UBE2E2: variants seen among roughly 807,000 people sequenced by gnomAD.
UBE2E2 encodes ubiquitin conjugating enzyme E2 E2.
UBE2E2 carries 6 observed loss-of-function variants against 24.7 expected under a neutral mutation model. That is an observed-to-expected ratio of 0.24 (90% CI 0.13 to 0.48). UBE2E2 has a LOEUF of 0.48. Among genes scored for constraint, UBE2E2 ranks in the 20% least tolerant of loss-of-function variants. The pLI is 0.99. For missense variants in UBE2E2, 169 were observed against 245.0 expected, an observed-to-expected ratio of 0.69 and a Z score of 2.07; for synonymous variants, 104 against 83.6, an observed-to-expected ratio of 1.24 and a Z score of -1.33.
intron 5 of UBE2E2, among the ~76,000 whole-genome samples, chr3:23,582,901 T>TG: frequency 7.9e-6 from 1 of 127,188 alleles, no homozygotes; most frequent in Non-Finnish European, 1.6e-5. Context: ...GTGTTGTGTG[T>TG]TTGTTTGCTG....
chr3:23,239,856 T>C (rs1697212220), intron 3 of UBE2E2, among the ~76,000 whole-genome samples: 1 of 152,200 alleles, frequency 6.6e-6, no homozygotes, highest in African/African-American at 2.4e-5. Context: ...ATGTACAGAA[T>C]TACAGAATGA....
rs139370805 is a variant in UBE2E2, at chr3:23,341,936, A to G, written c.227+124624A>G. ...AAAAGACTTCAAAGATTAAGTAATT[A>G]TGTATACATAGTTCCATATAACAAA... On this transcript the variant is annotated intron_variant, in intron 3 of 5. Transcript: ENST00000396703. 7.0e-3 allele frequency among the ~76,000 whole-genome samples: 1,062 copies of G among 152,356 alleles called. 12 individuals carry two copies. Among genetic ancestry groups the G allele is most frequent in the African/African-American group, 0.025 (1,021 of 41,588 alleles).
At chr3:23,414,242 G>A (rs895649776) in intron 3 of UBE2E2, among the ~76,000 whole-genome samples, 1 of 152,154 alleles carries the variant, frequency 6.6e-6, no homozygotes, top group African/African-American at 2.4e-5. Flanking sequence ...ATTTTTTCCA[G>A]TTGTCAAGAG....
chr3:23,412,050 A>G (rs890458551), intron 3 of UBE2E2, among the ~76,000 whole-genome samples: 2 of 152,160 alleles, frequency 1.3e-5, no homozygotes, highest in African/African-American at 4.8e-5. Flanking sequence ...TTCTTGTGCA[A>G]GCAACACTTA....
intron 5 of UBE2E2, among the ~76,000 whole-genome samples, chr3:23,569,202 T>G (rs779836190): frequency 5.3e-5 from 8 of 152,178 alleles, no homozygotes; most frequent in Non-Finnish European, 7.4e-5. Context: ...GAGAACATGC[T>G]TTGTAAAAGA....
intron 4 of UBE2E2, among the ~76,000 whole-genome samples, chr3:23,516,246 A>G (rs1231561728): frequency 6.6e-6 from 1 of 152,232 alleles, no homozygotes; most frequent in East Asian, 1.9e-4. Context: ...GAAAGAATAT[A>G]TATCAGAGCA....
intron 3 of UBE2E2, among the ~76,000 whole-genome samples, chr3:23,460,211 A>C (rs1698777745): frequency 6.6e-6 from 1 of 152,218 alleles, no homozygotes; most frequent in African/African-American, 2.4e-5. Flanking sequence ...TGGAGTTAGT[A>C]TGAACACCAG....
chr3:23,381,940 G>A (rs1264447923), intron 3 of UBE2E2, among the ~76,000 whole-genome samples: 1 of 152,132 alleles, frequency 6.6e-6, no homozygotes, highest in Non-Finnish European at 1.5e-5. Context: ...TTACTGTGGG[G>A]TCTCACAAAA....
In UBE2E2 at chr3:23,272,347, G is replaced by A. The variant is rs769846062; in HGVS notation, c.227+55035G>A. ...CCACCCAGAACTTTCACTGGCCCAA[G>A]AGCAACGCACGCAGCCCGGGTTCCC... On this transcript the variant is annotated intron_variant, in intron 3 of 5. Transcript: ENST00000396703. Among the ~76,000 whole-genome samples, 20 of 151,976 alleles carry A rather than the reference G, an allele frequency of 1.3e-4. 2 individuals carry two copies. Among genetic ancestry groups the A allele is most frequent in the African/African-American group, 4.6e-4 (19 of 41,506 alleles).
chr3:23,525,397 T>C (rs1292364949), intron 4 of UBE2E2, among the ~76,000 whole-genome samples: 1 of 152,220 alleles, frequency 6.6e-6, no homozygotes, highest in African/African-American at 2.4e-5. Context: ...CACACATAAA[T>C]TAAAACCTTT....
chr3:23,391,658 C>T (rs1696937642), intron 3 of UBE2E2, among the ~76,000 whole-genome samples: 2 of 152,066 alleles, frequency 1.3e-5, no homozygotes, highest in Non-Finnish European at 2.9e-5. Flanking sequence ...AGCTTATATA[C>T]TGAGAGATAC....
chr3:23,464,990 AAAG>A (rs1258301424), intron 3 of UBE2E2, among the ~76,000 whole-genome samples: 5 of 152,254 alleles, frequency 3.3e-5, no homozygotes, highest in African/African-American at 1.2e-4. Context: ...TTTGAAAAGC[AAAG>A]AAGTAACCTG....
At chr3:23,581,962 T>C in intron 5 of UBE2E2, among the ~76,000 whole-genome samples, 1 of 152,150 alleles carries the variant, frequency 6.6e-6, no homozygotes, top group Admixed American at 6.5e-5. Flanking sequence ...ATTTATTATA[T>C]AGGTCAATTG....
At chr3:23,289,457 C>G (rs1698703078) in intron 3 of UBE2E2, among the ~76,000 whole-genome samples, 2 of 152,172 alleles carry the variant, frequency 1.3e-5, no homozygotes, top group South Asian at 4.1e-4. Context: ...AAAGAGAAAA[C>G]TTTTCTAAGC....
In UBE2E2 at chr3:23,280,459, C is replaced by T. The variant is rs1698468068; in HGVS notation, c.227+63147C>T. On this transcript the variant is annotated intron_variant, in intron 3 of 5. Coordinates refer to ENST00000396703, the MANE Select transcript of UBE2E2 (RefSeq NM_152653.4). This position sits in a 1 kb window ranked among gnomAD's most constrained non-coding sequence, Gnocchi z 4.3. ...AAGTTTTGAGGGATTGTGAATGGTG[C>T]TAGAGGTGGCCACACAATCTTTTTG... 6.6e-6 allele frequency among the ~76,000 whole-genome samples: 1 copy of T among 152,180 alleles called. No homozygotes were observed. The highest frequency in any genetic ancestry group is 1.5e-5 in the Non-Finnish European group (1 of 68,030).
At chr3:23,473,219 T>C (rs531798665) in intron 3 of UBE2E2, among the ~76,000 whole-genome samples, 6 of 152,130 alleles carry the variant, frequency 3.9e-5, no homozygotes, top group Non-Finnish European at 7.4e-5. Flanking sequence ...TTTTGTCATG[T>C]TTAAATGGGA....
Position 23,590,005 on chromosome 3 carries a change from T to TACGGCGA in UBE2E2, c.*174_*175insACGGCGA. On this transcript the variant is annotated 3_prime_UTR_variant, in exon 6 of 6. Coordinates refer to ENST00000396703, the MANE Select transcript of UBE2E2 (RefSeq NM_152653.4). ...CCATCCCAGTTCTTCCTGCCCCCCT[T>TACGGCGA]CCTCTCTCCCACGCTCTCTTTTATC... 1 of 556,324 alleles carries TACGGCGA rather than the reference T, an allele frequency of 1.8e-6. No homozygotes were observed. The highest frequency in any genetic ancestry group is 2.9e-5 in the South Asian group (1 of 34,652). The allele number at this position is 556,324 out of a possible 1,614,324, so 34.5% of individuals were successfully genotyped here. A position where few individuals can be genotyped will look rare whatever the true frequency, so the allele number is the denominator to read the frequency against.
At chr3:23,523,838 A>G (rs200235734) in intron 4 of UBE2E2, among the ~76,000 whole-genome samples, 4 of 130,894 alleles carry the variant, frequency 3.1e-5, no homozygotes, top group African/African-American at 9.1e-5. Context: ...TTTTTTTTTT[A>G]TGTATACTAA....
In UBE2E2 at chr3:23,344,593, G is replaced by T. The variant is rs558809578; in HGVS notation, c.227+127281G>T. The stretch of plus-strand genomic sequence containing the variant: ...ATGAATGAAGATATTAAGAATTAAA[G>T]TACTGATGTTAATGAGAGCATGGGT... On this transcript the variant is annotated intron_variant, in intron 3 of 5. Transcript: ENST00000396703. Among the ~76,000 whole-genome samples, 68 of 151,990 alleles carry T rather than the reference G, an allele frequency of 4.5e-4. 1 individual carries two copies. The highest frequency in any genetic ancestry group is 7.4e-4 in the Non-Finnish European group (50 of 68,010).
Sources: gnomAD v4.1 joint callset for allele counts (sites outside exome capture counted in the v4.1 genomes callset) on GRCh38, gnomAD v4.1.1 for gene constraint, Gnocchi (gnomAD v3.1) non-coding constraint, MANE v1.5 for transcripts, NCBI Gene and HGNC (gene_info 2026-07-23, HGNC 2026-07-21) for gene names.